The following SPOCK3 variants were observed in gnomAD, a reference collection of about 807,000 sequenced individuals.
The protein encoded by SPOCK3 is testican-3.
A neutral mutation model predicts 56.6 loss-of-function variants in SPOCK3; 30 were observed. The observed-to-expected ratio is 0.53, with a 90% CI of 0.40 to 0.72. The LOEUF (loss-of-function observed/expected upper bound fraction) is 0.72, where lower values mean the gene tolerates loss of function less well. Ranked by LOEUF, SPOCK3 falls within the 30% of genes least tolerant of loss-of-function variation. The probability of loss-of-function intolerance (pLI) is 0.00; values close to 1 mark genes in which losing one functional copy is unlikely to be tolerated. For synonymous variants in SPOCK3, 196 were observed against 183.3 expected (o/e 1.07, Z -0.56); for missense variants, 527 against 530.0 (o/e 0.99, Z 0.06).
chr4:166,852,434 T>A (rs886593966), intron 6 of SPOCK3, among the ~76,000 whole-genome samples: 1 of 152,194 alleles, frequency 6.6e-6, no homozygotes, highest in African/African-American at 2.4e-5. Context: ...ACCCCCTCCA[T>A]CCCTAACCAC....
At chr4:167,060,059 A>C (rs1755414891) in intron 3 of SPOCK3, among the ~76,000 whole-genome samples, 2 of 151,958 alleles carry the variant, frequency 1.3e-5, no homozygotes. Context: ...CTAAATGACG[A>C]GTTAATGGGT....
Position 167,147,638 on chromosome 4 carries a change from G to A in SPOCK3, c.190-85101C>T, listed in dbSNP as rs188971031. ...TGGAATACTATTCAGCCATAAAAAG[G>A]ATGAGTTCATGTCCTTTTCAGGGAC... is the stretch of plus-strand genomic sequence containing the variant. On this transcript the variant is annotated intron_variant, in intron 2 of 10. Coordinates refer to ENST00000357545, the MANE Select transcript of SPOCK3 (RefSeq NM_001040159.2). Among the ~76,000 whole-genome samples, 240 of 152,018 alleles carry A rather than the reference G, an allele frequency of 1.6e-3. 2 individuals carry two copies. The highest frequency in any genetic ancestry group is 9.3e-4 in the Non-Finnish European group (63 of 68,008).
At chr4:166,950,278 T>A (rs936975111) in intron 4 of SPOCK3, among the ~76,000 whole-genome samples, 1 of 151,026 alleles carries the variant, frequency 6.6e-6, no homozygotes, top group African/African-American at 2.5e-5. Context: ...AAGGCAGGGG[T>A]TGCAATCCTA....
intron 2 of SPOCK3, among the ~76,000 whole-genome samples, chr4:167,215,825 C>T (rs954224914): frequency 6.6e-6 from 1 of 152,116 alleles, no homozygotes; most frequent in African/African-American, 2.4e-5. Context: ...ATGAATTTCC[C>T]ACCATCCATG....
At chr4:167,023,448 C>A (rs1751393019) in intron 3 of SPOCK3, among the ~76,000 whole-genome samples, 1 of 151,596 alleles carries the variant, frequency 6.6e-6, no homozygotes, top group African/African-American at 2.4e-5. Flanking sequence ...CTTGGATCAT[C>A]ACACTAGGTT....
intron 2 of SPOCK3, among the ~76,000 whole-genome samples, chr4:167,232,272 T>A (rs1737253010): frequency 6.6e-6 from 1 of 152,002 alleles, no homozygotes; most frequent in South Asian, 2.1e-4. Flanking sequence ...GAAGAAAGCT[T>A]TTATCTCTGC....
At chr4:167,189,493 G>A (rs1732293134) in intron 2 of SPOCK3, among the ~76,000 whole-genome samples, 1 of 145,054 alleles carries the variant, frequency 6.9e-6, no homozygotes. Context: ...CAGCTTTATT[G>A]AGGTACAATA....
chr4:166,746,880 C>A (rs540737252), intron 8 of SPOCK3, among the ~76,000 whole-genome samples: 11 of 152,140 alleles, frequency 7.2e-5, no homozygotes, highest in African/African-American at 2.7e-4. Context: ...ACTAGAAAAT[C>A]TAGAAGAAAT....
chr4:167,087,246 T>G (rs1758281342), intron 2 of SPOCK3, among the ~76,000 whole-genome samples: 1 of 152,074 alleles, frequency 6.6e-6, no homozygotes, highest in African/African-American at 2.4e-5. Flanking sequence ...AACATAGCTG[T>G]TCCATAAAGA....
chr4:166,794,643 C>CTTTTTTTTTTTTT (rs1170214198), intron 6 of SPOCK3, among the ~76,000 whole-genome samples: 2 of 127,366 alleles, frequency 1.6e-5, no homozygotes, highest in Admixed American at 8.0e-5. Flanking sequence ...TTCTTTCTTT[C>CTTTTTTTTTTTTT]TTTTTTTTTT....
chr4:166,742,250 T>TATCTATC (rs1199872270), intron 8 of SPOCK3, among the ~76,000 whole-genome samples, 191 bp from the exon 9 acceptor site: 8 of 98,586 alleles, frequency 8.1e-5, no homozygotes, highest in African/African-American at 3.5e-4. Context: ...TCTATCTATC[T>TATCTATC]ATCTATCTAT....
chr4:167,159,958 G>A (rs1765144615), intron 2 of SPOCK3, among the ~76,000 whole-genome samples: 1 of 152,082 alleles, frequency 6.6e-6, no homozygotes, highest in Admixed American at 6.6e-5. Flanking sequence ...AAAACTGGAA[G>A]CATTCCCTTT....
chr4:166,773,712 C>A (rs773932843), intron 7 of SPOCK3, among the ~76,000 whole-genome samples: 25 of 152,254 alleles, frequency 1.6e-4, no homozygotes, highest in South Asian at 4.1e-4. Flanking sequence ...TTCAATTATA[C>A]TGTTTTAGCT....
chr4:167,154,144 T>C (rs1764625452), intron 2 of SPOCK3, among the ~76,000 whole-genome samples: 1 of 152,124 alleles, frequency 6.6e-6, no homozygotes. Flanking sequence ...CCTATAGAAA[T>C]ATTATTCCAA....
chr4:166,974,577 GTC>G (rs1373649563), intron 4 of SPOCK3, among the ~76,000 whole-genome samples: 1 of 151,770 alleles, frequency 6.6e-6, no homozygotes, highest in African/African-American at 2.4e-5. Flanking sequence ...TCCTCTTTCT[GTC>G]TCTTTCTCTA....
intron 2 of SPOCK3, among the ~76,000 whole-genome samples, chr4:167,218,704 C>T (rs7692597): frequency 0.046 from 6,932 of 152,144 alleles, 346 homozygotes; most frequent in African/African-American, 0.12. Context: ...TGTCATTCCC[C>T]ATAGACCACC....
rs116350282 is a variant in SPOCK3 at position 167,053,047 on chromosome 4, T to C, written c.235+9445A>G. On this transcript the variant is annotated intron_variant, in intron 3 of 10. Transcript: ENST00000357545. ...CTTTTCCTTTGTAGCCAAATACTGA[T>C]TGCAAAAGGACATATCAGGCTGTGA... Among the ~76,000 whole-genome samples the C allele has an allele frequency of 8.2e-3, 1,242 of 152,254 alleles. 15 individuals carry two copies. Among genetic ancestry groups the C allele is most frequent in the African/African-American group, 0.028 (1,168 of 41,542 alleles).
chr4:166,903,362 G>T (rs986695402), intron 5 of SPOCK3, among the ~76,000 whole-genome samples: 1 of 151,748 alleles, frequency 6.6e-6, no homozygotes, highest in Non-Finnish European at 1.5e-5. Context: ...CCTCTGCTCA[G>T]CTGTAGTGTA....
At chr4:167,086,924 G>A (rs1561201273) in intron 2 of SPOCK3, among the ~76,000 whole-genome samples, 2 of 151,990 alleles carry the variant, frequency 1.3e-5, no homozygotes, top group South Asian at 4.2e-4. Context: ...CTTCAGAAAT[G>A]GATAAGTAAA....
Sources: gnomAD v4.1 joint callset for allele counts (sites outside exome capture counted in the v4.1 genomes callset) on GRCh38, gnomAD v4.1.1 for gene constraint, MANE v1.5 for transcripts, NCBI Gene and HGNC (gene_info 2026-07-23, HGNC 2026-07-21) for gene names.